CNTN6: variants seen among roughly 807,000 people sequenced by gnomAD.
CNTN6 encodes contactin 6, also known as contactin-6.
Under a neutral mutation model 122.8 loss-of-function variants are expected in CNTN6, and 137 were observed. The observed-to-expected ratio is 1.12, with a 90% CI of 0.97 to 1.29. The LOEUF (loss-of-function observed/expected upper bound fraction) is 1.29, where lower values mean the gene tolerates loss of function less well. CNTN6 is among the 50% of genes most tolerant of loss of function. CNTN6 has a pLI of 0.00. For missense variants in CNTN6, 1,634 were observed against 1,223.4 expected, an observed-to-expected ratio of 1.34 and a Z score of -5.01; for synonymous variants, 570 against 426.0, an observed-to-expected ratio of 1.34 and a Z score of -4.16.
chr3:1,227,799 A>G lies in CNTN6; in HGVS notation c.183-19A>G, dbSNP rs1559551993. 1.3e-6 allele frequency: 2 copies of G among 1,500,530 alleles called. No homozygotes were observed. The highest frequency in any genetic ancestry group is 1.4e-5 in the African/African-American group (1 of 71,248). 93.0% of individuals were successfully genotyped at this position (1,500,530 alleles called of 1,614,324 possible). On this transcript the variant is annotated intron_variant, in intron 3 of 22. Coordinates refer to ENST00000446702, the MANE Select transcript of CNTN6 (RefSeq NM_001289080.2). ...TGACTCTGTATATTATAAGCACTTT[A>G]TTTTTTTTTTCCTTGAAGGTGGAAG...
intron 20 of CNTN6, among the ~76,000 whole-genome samples, chr3:1,386,861 A>AGAG (rs1190160115): frequency 3.3e-5 from 5 of 152,132 alleles, no homozygotes; most frequent in Admixed American, 3.3e-4. Flanking sequence ...ATGGTTAAGA[A>AGAG]GAGTTTGAAA....
At chr3:1,268,475 CA>C (rs1332160792) in intron 4 of CNTN6, among the ~76,000 whole-genome samples, 39 of 151,560 alleles carry the variant, frequency 2.6e-4, no homozygotes, top group African/African-American at 8.5e-4. Flanking sequence ...GGCGCGGTGG[CA>C]GGTGCCTGTA....
intron 2 of CNTN6, among the ~76,000 whole-genome samples, chr3:1,197,906 C>A (rs1644336539): frequency 6.6e-6 from 1 of 152,144 alleles, no homozygotes; most frequent in Admixed American, 6.5e-5. Context: ...CCTATCCCCC[C>A]TAACTCATGC....
At chr3:1,285,893 T>G (rs903177779) in intron 5 of CNTN6, among the ~76,000 whole-genome samples, 6 of 152,216 alleles carry the variant, frequency 3.9e-5, no homozygotes, top group Non-Finnish European at 7.3e-5. Context: ...AGAGGTCTAC[T>G]GATTTGCCTA....
chr3:1,102,634 A>G (rs552522367), intron 1 of CNTN6, among the ~76,000 whole-genome samples: 4,218 of 146,352 alleles, frequency 0.029, 209 homozygotes, highest in African/African-American at 0.087. Context: ...AGGCTGAGGC[A>G]GGAGAATGGC....
intron 1 of CNTN6, among the ~76,000 whole-genome samples, chr3:1,144,481 A>T (rs2092681386): frequency 6.6e-6 from 1 of 152,100 alleles, no homozygotes. Context: ...AGGCTGAGGC[A>T]GGAGAATCAC....
chr3:1,131,179 C>G (rs1437789539), intron 1 of CNTN6, among the ~76,000 whole-genome samples: 1 of 152,090 alleles, frequency 6.6e-6, no homozygotes, highest in African/African-American at 2.4e-5. Flanking sequence ...AATGGTAGGT[C>G]TGCAGGGCAC....
chr3:1,352,156 G>A (rs1363997369), intron 11 of CNTN6, among the ~76,000 whole-genome samples, 168 bp from the exon 12 acceptor site: 4 of 151,824 alleles, frequency 2.6e-5, no homozygotes, highest in African/African-American at 7.2e-5. Flanking sequence ...ACTGTAATAT[G>A]TAGACTCAGA....
chr3:1,378,119 C>T (rs984377002), intron 17 of CNTN6, among the ~76,000 whole-genome samples: 2 of 152,012 alleles, frequency 1.3e-5, no homozygotes, highest in Middle Eastern at 3.2e-3. Flanking sequence ...ATAGAGTCCC[C>T]TTGAAGGCTG....
At chr3:1,367,046 A>G (rs1020892426) in intron 12 of CNTN6, among the ~76,000 whole-genome samples, 2 of 152,112 alleles carry the variant, frequency 1.3e-5, no homozygotes, top group African/African-American at 2.4e-5. Context: ...ATGAATAGTA[A>G]TTTTGTTTTA....
chr3:1,206,697 C>T (rs1177992227), intron 2 of CNTN6, among the ~76,000 whole-genome samples: 1 of 152,162 alleles, frequency 6.6e-6, no homozygotes, highest in Non-Finnish European at 1.5e-5. Flanking sequence ...TTACATACTC[C>T]ATATCCTCAC....
chr3:1,139,463 G>A (rs1426978491), intron 1 of CNTN6, among the ~76,000 whole-genome samples: 1 of 152,026 alleles, frequency 6.6e-6, no homozygotes, highest in Non-Finnish European at 1.5e-5. Flanking sequence ...TGACCTTCTT[G>A]TACTCATCAA....
chr3:1,266,429 G>T (rs550030454), intron 4 of CNTN6, among the ~76,000 whole-genome samples: 1 of 152,190 alleles, frequency 6.6e-6, no homozygotes, highest in African/African-American at 2.4e-5. Context: ...GAAACCAGTA[G>T]GATAAAAATC....
chr3:1,370,297 A>G lies in CNTN6; in HGVS notation c.1493-2002A>G, dbSNP rs76951599. Among the ~76,000 whole-genome samples, 595 of 152,068 alleles carry G rather than the reference A, an allele frequency of 3.9e-3. 4 individuals are homozygous for G. The highest frequency in any genetic ancestry group is 0.013 in the African/African-American group (556 of 41,476). ...ATGTGCACAACGTGGGAATTGAACA[A>G]TGAGAACACATGGACACAGGAAGGG... On this transcript the variant is annotated intron_variant, in intron 12 of 22. Coordinates refer to ENST00000446702, the MANE Select transcript of CNTN6 (RefSeq NM_001289080.2).
At chr3:1,309,352 A>T (rs956857700) in intron 7 of CNTN6, among the ~76,000 whole-genome samples, 4 of 152,128 alleles carry the variant, frequency 2.6e-5, no homozygotes, top group Non-Finnish European at 5.9e-5. Flanking sequence ...TAACATATGG[A>T]CTTCCAATCG....
chr3:1,230,278 C>T (rs2094337754), intron 4 of CNTN6, among the ~76,000 whole-genome samples: 1 of 152,030 alleles, frequency 6.6e-6, no homozygotes, highest in Non-Finnish European at 1.5e-5. Flanking sequence ...TAGGTCTTTT[C>T]TTAACAACGT....
intron 14 of CNTN6, 133 bp downstream of exon 14, chr3:1,373,088 A>G (rs1444687558): frequency 1.7e-6 from 1 of 590,408 alleles, no homozygotes; most frequent in Non-Finnish European, 3.0e-6. Flanking sequence ...TTTATTTTTT[A>G]AACCCCAGGA....
chr3:1,366,276 ATC>A (rs1708204737), intron 12 of CNTN6, among the ~76,000 whole-genome samples: 3 of 152,296 alleles, frequency 2.0e-5, no homozygotes, highest in Middle Eastern at 6.8e-3. Context: ...GACTTAAAGA[ATC>A]TCAAATTTTT....
chr3:1,323,788 C>G (rs928274336), intron 8 of CNTN6, among the ~76,000 whole-genome samples: 2 of 151,668 alleles, frequency 1.3e-5, no homozygotes, highest in South Asian at 4.1e-4. Flanking sequence ...ATGGTAGACC[C>G]AAAATCCTAA....
Sources: gnomAD v4.1 joint callset for allele counts (sites outside exome capture counted in the v4.1 genomes callset) on GRCh38, gnomAD v4.1.1 for gene constraint, MANE v1.5 for transcripts, NCBI Gene and HGNC (gene_info 2026-07-23, HGNC 2026-07-21) for gene names.